Variants in HAPLN1 observed in about 807,000 individuals in gnomAD.
HAPLN1 encodes the protein hyaluronan and proteoglycan link protein 1.
Under a neutral mutation model 36.5 loss-of-function variants are expected in HAPLN1, and 13 were observed. That is an observed-to-expected ratio of 0.36 (90% CI 0.23 to 0.57). The LOEUF (loss-of-function observed/expected upper bound fraction) is 0.57, where lower values mean the gene tolerates loss of function less well. Ranked by LOEUF, HAPLN1 falls within the 20% of genes least tolerant of loss-of-function variation. HAPLN1 has a pLI of 0.83. For missense variants in HAPLN1, 407 were observed against 439.7 expected (o/e 0.93, Z 0.66); for synonymous variants, 202 against 169.8 (o/e 1.19, Z -1.48).
intron 1 of HAPLN1, among the ~76,000 whole-genome samples, chr5:83,716,017 G>A (rs749893199): frequency 1.3e-5 from 2 of 152,072 alleles, no homozygotes; most frequent in Non-Finnish European, 2.9e-5. Flanking sequence ...CTGGTAAATA[G>A]CCAGTGCTCA....
intron 3 of HAPLN1, among the ~76,000 whole-genome samples, chr5:83,648,413 A>ATG (rs1334627368): frequency 1.6e-5 from 2 of 121,570 alleles, no homozygotes; most frequent in African/African-American, 7.0e-5. Flanking sequence ...ATATATATAT[A>ATG]TATATATATA....
chr5:83,675,613 A>G (rs1020751106), intron 1 of HAPLN1, among the ~76,000 whole-genome samples: 17 of 152,194 alleles, frequency 1.1e-4, no homozygotes, highest in African/African-American at 3.9e-4. Flanking sequence ...ATACCATAGT[A>G]TTTAAAATTA....
In HAPLN1 at chr5:83,708,092, G is replaced by A. The variant is rs548800433; in HGVS notation, c.-27+12697C>T. On this transcript the variant is annotated intron_variant, in intron 1 of 4. Transcript: ENST00000274341. ...TGCTGGTGTGGTTGTGGAGGAAAGC[G>A]AACACTTATACATTGTTGGAGGGAA... is the stretch of plus-strand genomic sequence containing the variant. Among the ~76,000 whole-genome samples, 522 of 152,340 alleles carry A rather than the reference G, an allele frequency of 3.4e-3. 2 individuals carry two copies. Among genetic ancestry groups the A allele is most frequent in the Non-Finnish European group, 5.0e-3 (338 of 68,036 alleles).
intron 1 of HAPLN1, among the ~76,000 whole-genome samples, chr5:83,705,339 G>A (rs893623959): frequency 3.0e-5 from 4 of 134,502 alleles, no homozygotes; most frequent in African/African-American, 5.7e-5. Context: ...TCAGTGAGCC[G>A]AGATCGCACC....
chr5:83,704,402 C>T (rs1232007503), intron 1 of HAPLN1, among the ~76,000 whole-genome samples: 1 of 152,084 alleles, frequency 6.6e-6, no homozygotes, highest in Non-Finnish European at 1.5e-5. Context: ...CCACATATAT[C>T]AATACAAACC....
chr5:83,653,391 T>C (rs928884487), intron 2 of HAPLN1, among the ~76,000 whole-genome samples: 1 of 152,190 alleles, frequency 6.6e-6, no homozygotes, highest in African/African-American at 2.4e-5. Flanking sequence ...TATACACCTG[T>C]GTTAGGCTCT....
In HAPLN1 at chr5:83,644,607, C is replaced by G. The variant is rs756543340; in HGVS notation, c.531G>C (p.Ala177=). 1 of 1,519,314 alleles carries G rather than the reference C, an allele frequency of 6.6e-7. No individual in the cohort carries two copies. The highest frequency in any genetic ancestry group is 1.4e-5 in the African/African-American group (1 of 70,956). The allele number at this position is 1,519,314 out of a possible 1,614,324, so 94.1% of individuals were successfully genotyped here. ...CATCCTGGTCCAGACACGCCTGCTG[C>G]GCCTCGTGAAAATTGAGATTGTAGC... is the stretch of plus-strand genomic sequence containing the variant. The part of the protein sequence containing the change: ...LGRYNLNFHE[A]QQACLDQDAV... The change falls in exon 4 of 5, where the codon GCG becomes GCC. Residue 177 remains alanine (A), a synonymous_variant. Transcript: ENST00000274341.
intron 1 of HAPLN1, chr5:83,674,805 T>G (rs1750822817): frequency 1.3e-5 from 2 of 152,184 alleles, no homozygotes; most frequent in South Asian, 4.1e-4. Context: ...AGAACCTAAT[T>G]CACTTATTCA....
At position 83,644,551 on chromosome 5, in the gene HAPLN1, T is replaced by G. The variant is rs1408808915; in HGVS notation, c.587A>C (p.Asp196Ala). 1 of 1,604,632 alleles carries G rather than the reference T, an allele frequency of 6.2e-7. No homozygotes were observed. Among genetic ancestry groups the G allele is most frequent in the African/African-American group, 1.3e-5 (1 of 74,230 alleles). ...CCAGTCCAGCCCGCCCCGCCAGGCG[T>G]CGTACAGCTGGTCGAAGGAGGCGAT... ...AVIASFDQLY[D>A]AWRGGLDWCN... is the part of the protein sequence containing the mutation. The change falls in exon 4 of 5, where the codon GAC (aspartate) becomes GCC (alanine). Residue 196 changes from aspartate (D) to alanine (A), a missense_variant. Coordinates refer to ENST00000274341, the MANE Select transcript of HAPLN1 (RefSeq NM_001884.4).
chr5:83,654,569 A>G (rs1750162484), intron 2 of HAPLN1, among the ~76,000 whole-genome samples: 1 of 152,222 alleles, frequency 6.6e-6, no homozygotes, highest in South Asian at 2.1e-4. Context: ...TGAGGGTCAT[A>G]GGGAACATTT....
At chr5:83,683,313 T>C (rs947587211) in intron 1 of HAPLN1, among the ~76,000 whole-genome samples, 1 of 152,272 alleles carries the variant, frequency 6.6e-6, no homozygotes, top group Non-Finnish European at 1.5e-5. Flanking sequence ...TGTTTCCATT[T>C]CAAATGTGAT....
intron 2 of HAPLN1, among the ~76,000 whole-genome samples, chr5:83,670,883 C>T (rs1281580775): frequency 2.0e-5 from 3 of 151,972 alleles, no homozygotes; most frequent in Non-Finnish European, 4.4e-5. Context: ...TTAGTAGAGA[C>T]GGGGTTTCAC....
chr5:83,652,444 G>T lies in HAPLN1; in HGVS notation c.472+9C>A, dbSNP rs1195689461. ...ATTTATACGTTGAACATGACTTATAGATACATACCTTGTAAGTCCAGTGCT... is the reference window on the plus strand; with the variant it reads ...ATTTATACGTTGAACATGACTTATATATACATACCTTGTAAGTCCAGTGCT... On this transcript the variant is annotated intron_variant, in intron 3 of 4. Transcript: ENST00000274341. The T allele has an allele frequency of 6.2e-7, 1 of 1,607,882 alleles. No homozygotes were observed. Among genetic ancestry groups the T allele is most frequent in the East Asian group, 2.2e-5 (1 of 44,800 alleles).
intron 1 of HAPLN1, among the ~76,000 whole-genome samples, chr5:83,704,819 A>T (rs1280271043): frequency 1.3e-5 from 2 of 152,228 alleles, no homozygotes; most frequent in Non-Finnish European, 2.9e-5. Context: ...ACAGTTCAAC[A>T]TTCCACTGAC....
At chr5:83,678,143 A>G (rs1262829511) in intron 1 of HAPLN1, among the ~76,000 whole-genome samples, 1 of 151,626 alleles carries the variant, frequency 6.6e-6, no homozygotes, top group Non-Finnish European at 1.5e-5. Context: ...AGACTTCCCA[A>G]TTCTTGGAAA....
intron 1 of HAPLN1, among the ~76,000 whole-genome samples, chr5:83,677,349 C>A (rs562282039): frequency 6.6e-6 from 1 of 152,172 alleles, no homozygotes; most frequent in Non-Finnish European, 1.5e-5. Context: ...TGTCGTGGGT[C>A]CCCTGACGAG....
Position 83,639,363 on chromosome 5 carries a change from C to T in HAPLN1, c.*2133G>A, listed in dbSNP as rs1278695960. ...CAGTCACTCCAGAGATTTTGATCAG[C>T]ACCAATTCCTATAGTAGTAAGTATT... On this transcript the variant is annotated 3_prime_UTR_variant, in exon 5 of 5. Transcript: ENST00000274341. 1.3e-5 allele frequency: 2 copies of T among 152,000 alleles called. No homozygotes were observed. The highest frequency in any genetic ancestry group is 2.9e-5 in the Non-Finnish European group (2 of 67,906). 9.4% of individuals were successfully genotyped at this position (152,000 alleles called of 1,614,324 possible).
chr5:83,717,191 T>C (rs1339474718), intron 1 of HAPLN1, among the ~76,000 whole-genome samples: 3 of 152,234 alleles, frequency 2.0e-5, no homozygotes, highest in Non-Finnish European at 4.4e-5. Context: ...AGAATGTGTT[T>C]TTTTCCTGGT....
intron 2 of HAPLN1, among the ~76,000 whole-genome samples, chr5:83,663,475 C>T: frequency 6.6e-6 from 1 of 152,058 alleles, no homozygotes. Context: ...GCATATTCCC[C>T]CTCCCCAGGT....
Sources: gnomAD v4.1 joint callset for allele counts (sites outside exome capture counted in the v4.1 genomes callset) on GRCh38, gnomAD v4.1.1 for gene constraint, MANE v1.5 for transcripts, NCBI Gene and HGNC (gene_info 2026-07-23, HGNC 2026-07-21) for gene names.